C11orf65: variants seen among roughly 807,000 people sequenced by gnomAD.
C11orf65 encodes the protein chromosome 11 open reading frame 65.
C11orf65 carries 38 observed loss-of-function variants against 35.3 expected under a neutral mutation model. The ratio of observed to expected loss-of-function variants is 1.08; its 90% confidence interval spans 0.83 to 1.41. The LOEUF (loss-of-function observed/expected upper bound fraction) is 1.41, where lower values mean the gene tolerates loss of function less well. Among genes scored for constraint, C11orf65 ranks in the 40% most tolerant of loss-of-function variants. The pLI, the probability that C11orf65 is intolerant of heterozygous loss-of-function variation, is 0.00. For missense variants in C11orf65, 370 were observed against 367.1 expected, an observed-to-expected ratio of 1.01 and a Z score of -0.06; for synonymous variants, 105 against 114.4, an observed-to-expected ratio of 0.92 and a Z score of 0.53.
At chr11:108,376,722 T>C (rs1419784201) in intron 2 of C11orf65, among the ~76,000 whole-genome samples, 1 of 151,922 alleles carries the variant, frequency 6.6e-6, no homozygotes, top group Admixed American at 6.6e-5. Context: ...ACAAAATTAA[T>C]AGACCGCTAG....
At chr11:108,454,641 T>A (rs532719408) in intron 2 of C11orf65, among the ~76,000 whole-genome samples, 2 of 152,008 alleles carry the variant, frequency 1.3e-5, no homozygotes, top group Non-Finnish European at 2.9e-5. Context: ...TTATTTACTT[T>A]TAGAGATGTA....
At chr11:108,435,521 T>A (rs2093048393) in intron 2 of C11orf65, among the ~76,000 whole-genome samples, 1 of 152,178 alleles carries the variant, frequency 6.6e-6, no homozygotes, top group South Asian at 2.1e-4. Flanking sequence ...GGCAGAATTG[T>A]TAAAGGTCTA....
chr11:108,350,089 A>G (rs2089000476), intron 2 of C11orf65, among the ~76,000 whole-genome samples: 2 of 152,222 alleles, frequency 1.3e-5, no homozygotes, highest in South Asian at 4.1e-4. Flanking sequence ...TACCATGGAA[A>G]TGAGACCAAG....
rs192313473 is a variant in C11orf65 at position 108,451,232 on chromosome 11, C to T, written c.81+10247G>A. Among the ~76,000 whole-genome samples, 1,036 of 151,980 alleles carry T rather than the reference C, an allele frequency of 6.8e-3. 23 individuals are homozygous for T. Among genetic ancestry groups the T allele is most frequent in the African/African-American group, 0.02 (814 of 41,340 alleles). Reference sequence around the variant, plus strand: ...AAGTCAAATTGTCTCTGTTTGCAGACGACATGATTGTATATTTAGAAAACC... The same window carrying T: ...AAGTCAAATTGTCTCTGTTTGCAGATGACATGATTGTATATTTAGAAAACC... On this transcript the variant is annotated intron_variant, in intron 2 of 8. Coordinates refer to ENST00000393084, the MANE Select transcript of C11orf65 (RefSeq NM_152587.5).
intron 2 of C11orf65, among the ~76,000 whole-genome samples, chr11:108,358,776 A>G (rs1247577756): frequency 1.3e-5 from 2 of 149,210 alleles, no homozygotes; most frequent in Non-Finnish European, 3.0e-5. Flanking sequence ...GGCCTACCCT[A>G]AAAGAGCTCC....
chr11:108,425,497 A>G (rs1191060252), intron 3 of C11orf65, among the ~76,000 whole-genome samples: 1 of 152,232 alleles, frequency 6.6e-6, no homozygotes, highest in Non-Finnish European at 1.5e-5. Context: ...AAATTGAGGC[A>G]GTAATTAATA....
rs1019576719 is a variant in C11orf65 at position 108,404,080 on chromosome 11, C to CT, written c.560+1348dup. 4.3e-4 allele frequency among the ~76,000 whole-genome samples: 66 copies of CT among 152,164 alleles called. 1 individual carries two copies. The highest frequency in any genetic ancestry group is 1.3e-4 in the Non-Finnish European group (9 of 68,022). On this transcript the variant is annotated intron_variant, in intron 6 of 8. Transcript: ENST00000393084. ...TTGTCACCAATTTTCTAACCATGTTCTTTCCAAATCCCTGACCATCCAGTC... is the reference window on the plus strand; with the variant it reads ...TTGTCACCAATTTTCTAACCATGTTCTTTTCCAAATCCCTGACCATCCAGTC...
At chr11:108,338,858 T>C (rs1382785017) in intron 2 of C11orf65, among the ~76,000 whole-genome samples, 1 of 152,234 alleles carries the variant, frequency 6.6e-6, no homozygotes, top group East Asian at 1.9e-4. Flanking sequence ...CTAAGTGTTC[T>C]TGCCTTTAGT....
chr11:108,354,210 T>C (rs2089599468), intron 2 of C11orf65, among the ~76,000 whole-genome samples: 1 of 152,142 alleles, frequency 6.6e-6, no homozygotes, highest in Non-Finnish European at 1.5e-5. Flanking sequence ...TAATAGTTCC[T>C]CTTCCTTCCA....
At chr11:108,444,889 C>A (rs2093226200) in intron 2 of C11orf65, among the ~76,000 whole-genome samples, 1 of 152,176 alleles carries the variant, frequency 6.6e-6, no homozygotes, top group Non-Finnish European at 1.5e-5. Flanking sequence ...CCTGGAAAAT[C>A]CAGTCACTTC....
chr11:108,362,990 CAAAA>C (rs895050205), intron 2 of C11orf65, among the ~76,000 whole-genome samples: 2 of 151,446 alleles, frequency 1.3e-5, no homozygotes, highest in African/African-American at 4.9e-5. Context: ...AACAAACAAA[CAAAA>C]AAAACACACC....
chr11:108,381,533 C>T (rs1391767335), downstream of C11orf65, among the ~76,000 whole-genome samples: 1 of 152,130 alleles, frequency 6.6e-6, no homozygotes, highest in Non-Finnish European at 1.5e-5. Context: ...GCCTGGATAC[C>T]CACAGTAATA....
At position 108,325,577 on chromosome 11, in the gene C11orf65, T is replaced by C. The variant is rs1263633847; in HGVS notation, c.641-16506A>G. 49 of 1,518,254 alleles carry C rather than the reference T, an allele frequency of 3.2e-5. No individual in the cohort carries two copies. In the Admixed American group the frequency reaches 8.2e-4, roughly 25 times the overall value. The allele number at this position is 1,518,254 out of a possible 1,614,324, so 94.0% of individuals were successfully genotyped here. On this transcript the variant is annotated intron_variant, in intron 6 of 6. Coordinates refer to the C11orf65 transcript ENST00000525729. ...CAATTTAAAACTATGTCATCTTACC[T>C]CTTGACTTTCCTTTTATTATTTAAA...
At chr11:108,313,821 A>G (rs576709238) in intron 6 of C11orf65, among the ~76,000 whole-genome samples, 1 of 152,208 alleles carries the variant, frequency 6.6e-6, no homozygotes, top group African/African-American at 2.4e-5. Flanking sequence ...AGCACCATAT[A>G]GGCAGTTCAA....
chr11:108,340,963 C>T, intron 2 of C11orf65, among the ~76,000 whole-genome samples: 1 of 151,822 alleles, frequency 6.6e-6, no homozygotes, highest in Admixed American at 6.6e-5. Flanking sequence ...ATTTTTGATC[C>T]ACAGTTGGTT....
At chr11:108,316,611 A>C (rs1352558134) in intron 6 of C11orf65, among the ~76,000 whole-genome samples, 3 of 151,944 alleles carry the variant, frequency 2.0e-5, no homozygotes, top group Non-Finnish European at 4.4e-5. Context: ...ATATTTTGGG[A>C]TTAAAAAAAT....
At chr11:108,448,211 A>T (rs1039922729) in intron 2 of C11orf65, among the ~76,000 whole-genome samples, 1 of 152,252 alleles carries the variant, frequency 6.6e-6, no homozygotes, top group African/African-American at 2.4e-5. Flanking sequence ...AGGTACAAGG[A>T]GGAACTGGTA....
downstream of C11orf65, among the ~76,000 whole-genome samples, chr11:108,378,212 G>A (rs374491873): frequency 1.6e-4 from 24 of 151,960 alleles, no homozygotes; most frequent in East Asian, 7.7e-4. Context: ...GAGGCATCAC[G>A]CTACCTGACT....
chr11:108,335,367 G>T (rs2136676520), intron 2 of C11orf65: 2 of 1,155,816 alleles, frequency 1.7e-6, no homozygotes, highest in East Asian at 6.4e-5. Flanking sequence ...TGTACAGTGA[G>T]GTTGCTTCTT....
Sources: gnomAD v4.1 joint callset for allele counts (sites outside exome capture counted in the v4.1 genomes callset) on GRCh38, gnomAD v4.1.1 for gene constraint, MANE v1.5 for transcripts, NCBI Gene and HGNC (gene_info 2026-07-23, HGNC 2026-07-21) for gene names.